RASSF8: variants seen among roughly 807,000 people sequenced by gnomAD.
RASSF8 encodes Ras association domain family member 8, also known as ras association domain-containing protein 8.
Under a neutral mutation model 48.5 loss-of-function variants are expected in RASSF8, and 22 were observed. That is an observed-to-expected ratio of 0.45 (90% CI 0.32 to 0.65). The LOEUF is 0.65. RASSF8 is among the 30% of genes least tolerant of loss of function. The pLI is 0.03. For synonymous variants in RASSF8, 127 were observed against 171.5 expected, an observed-to-expected ratio of 0.74 and a Z score of 2.03; for missense variants, 418 against 489.2, an observed-to-expected ratio of 0.85 and a Z score of 1.37.
At chr12:26,005,465 C>T (rs952232826) in intron 2 of RASSF8, among the ~76,000 whole-genome samples, 7 of 152,048 alleles carry the variant, frequency 4.6e-5, no homozygotes, top group Admixed American at 2.0e-4. Flanking sequence ...AGTTTTAATA[C>T]GTGAATATTG....
intron 2 of RASSF8, among the ~76,000 whole-genome samples, chr12:26,017,453 C>T (rs1025286577): frequency 2.6e-5 from 4 of 152,212 alleles, no homozygotes; most frequent in Non-Finnish European, 5.9e-5. Flanking sequence ...ACTACTAAGG[C>T]TGAGATAGAA....
intron 2 of RASSF8, among the ~76,000 whole-genome samples, chr12:26,044,398 AG>A (rs1365096203): frequency 6.6e-6 from 1 of 152,256 alleles, no homozygotes; most frequent in African/African-American, 2.4e-5. Context: ...ATGTAAGCAT[AG>A]CAAAAACTAG....
At chr12:26,033,020 C>G (rs968676258) in intron 2 of RASSF8, among the ~76,000 whole-genome samples, 1 of 152,208 alleles carries the variant, frequency 6.6e-6, no homozygotes, top group Non-Finnish European at 1.5e-5. Flanking sequence ...ATCTTGTTTT[C>G]AAGCAGGCCT....
chr12:25,994,335 A>G lies in RASSF8; in HGVS notation c.-202-702A>G, dbSNP rs75504841. ...TCTTGTTGCTAAAGTAAATCTTTCT[A>G]TAAATAAATGCAGAAACATCTGTGA... is the stretch of plus-strand genomic sequence containing the variant. On this transcript the variant is annotated intron_variant, in intron 1 of 5. Transcript: ENST00000689635. Among the ~76,000 whole-genome samples the G allele has an allele frequency of 2.2e-4, 34 of 152,282 alleles. No homozygotes were observed. In the East Asian group the frequency reaches 6.0e-3, roughly 27 times the overall value.
intron 2 of RASSF8, among the ~76,000 whole-genome samples, chr12:26,029,936 C>T (rs778120176): frequency 1.3e-5 from 2 of 152,102 alleles, no homozygotes; most frequent in Admixed American, 6.6e-5. Flanking sequence ...ACCACCAAAT[C>T]GTCAGTTTTG....
intron 2 of RASSF8, among the ~76,000 whole-genome samples, chr12:26,010,736 C>A (rs1387525088): frequency 6.6e-6 from 1 of 152,034 alleles, no homozygotes; most frequent in Non-Finnish European, 1.5e-5. Flanking sequence ...CTGGGCTGAA[C>A]AATTCTATTG....
intron 2 of RASSF8, among the ~76,000 whole-genome samples, chr12:26,026,516 A>T (rs987942952): frequency 3.3e-5 from 5 of 151,938 alleles, no homozygotes; most frequent in Non-Finnish European, 7.4e-5. Flanking sequence ...GCTCACTGCA[A>T]CCTCCACCTC....
At chr12:26,008,174 A>C (rs1942436057) in intron 2 of RASSF8, among the ~76,000 whole-genome samples, 1 of 152,118 alleles carries the variant, frequency 6.6e-6, no homozygotes, top group Non-Finnish European at 1.5e-5. Flanking sequence ...TCTGGAGGCT[A>C]AGGCAAGAGA....
At chr12:26,058,832 T>G (rs774984017) in intron 3 of RASSF8, among the ~76,000 whole-genome samples, 31 of 152,322 alleles carry the variant, frequency 2.0e-4, no homozygotes, top group Non-Finnish European at 4.6e-4. Flanking sequence ...CTTGACAGAT[T>G]AGATTTAGGT....
intron 2 of RASSF8, among the ~76,000 whole-genome samples, chr12:26,020,778 C>T (rs1341882270): frequency 6.6e-6 from 1 of 152,088 alleles, no homozygotes; most frequent in East Asian, 1.9e-4. Flanking sequence ...TAAAAAAATA[C>T]AGTCTGTGAA....
chr12:26,023,675 AAAAAC>A (rs1245431450), intron 2 of RASSF8, among the ~76,000 whole-genome samples: 4 of 151,998 alleles, frequency 2.6e-5, no homozygotes, highest in African/African-American at 9.7e-5. Flanking sequence ...AAAAAAAACA[AAAAAC>A]AAAAAAAAAC....
chr12:26,075,846 C>G (rs1944067123), downstream of RASSF8, among the ~76,000 whole-genome samples: 1 of 152,098 alleles, frequency 6.6e-6, no homozygotes, highest in Non-Finnish European at 1.5e-5. Flanking sequence ...GGCATGTACA[C>G]CAGGAACAAC....
chr12:26,018,626 G>T (rs1425313361), intron 2 of RASSF8, among the ~76,000 whole-genome samples: 1 of 152,136 alleles, frequency 6.6e-6, no homozygotes, highest in Non-Finnish European at 1.5e-5. Context: ...CAGCAGAAAG[G>T]GGGTGTAGGT....
intron 1 of RASSF8, among the ~76,000 whole-genome samples, chr12:25,984,433 C>T (rs1173899587): frequency 1.3e-5 from 2 of 151,950 alleles, no homozygotes; most frequent in Non-Finnish European, 2.9e-5. Flanking sequence ...ACCTCTTCCT[C>T]CCCGGTTCAG....
intron 2 of RASSF8, among the ~76,000 whole-genome samples, chr12:26,000,103 A>G (rs1210090254): frequency 6.6e-6 from 1 of 152,260 alleles, no homozygotes; most frequent in Non-Finnish European, 1.5e-5. Context: ...GAGCCAAGAA[A>G]TGTTTATACG....
intron 2 of RASSF8, among the ~76,000 whole-genome samples, chr12:26,030,231 A>G (rs1942999993): frequency 6.6e-6 from 1 of 152,062 alleles, no homozygotes; most frequent in Non-Finnish European, 1.5e-5. Flanking sequence ...TTTTCCCCCC[A>G]TGATCCAAAT....
chr12:25,970,534 T>C (rs1941461739), intron 1 of RASSF8, among the ~76,000 whole-genome samples: 1 of 152,198 alleles, frequency 6.6e-6, no homozygotes, highest in Non-Finnish European at 1.5e-5. Flanking sequence ...GATTGTTTCC[T>C]CTTAACTGGT....
At chr12:26,079,651 A>G (rs1215900973) in exon 6 of RASSF8, 1 of 152,182 alleles carries the variant, frequency 6.6e-6, no homozygotes, top group Non-Finnish European at 1.5e-5. Context: ...CAGGTATATG[A>G]AAAAGTGCTC....
chr12:26,040,711 A>G (rs771411807), intron 2 of RASSF8, among the ~76,000 whole-genome samples: 1 of 152,200 alleles, frequency 6.6e-6, no homozygotes, highest in Non-Finnish European at 1.5e-5. Flanking sequence ...CTTGCTTCCC[A>G]TTTTAATAGC....
Sources: allele counts gnomAD v4.1 joint callset (sites outside exome capture counted in the v4.1 genomes callset), GRCh38; gene constraint gnomAD v4.1.1; transcripts MANE v1.5; gene names NCBI Gene and HGNC (gene_info 2026-07-23, HGNC 2026-07-21).